SNX7: variants seen among roughly 807,000 people sequenced by gnomAD.
The protein encoded by SNX7 is sorting nexin 7, also known as sorting nexin-7.
Under a neutral mutation model 48.4 loss-of-function variants are expected in SNX7, and 35 were observed. That is an observed-to-expected ratio of 0.72 (90% CI 0.55 to 0.96). SNX7 has a LOEUF of 0.96. Among genes scored for constraint, SNX7 ranks in the 40% least tolerant of loss-of-function variants. SNX7 has a pLI of 0.00. For synonymous variants in SNX7, 190 were observed against 190.2 expected, an observed-to-expected ratio of 1.00 and a Z score of 0.01; for missense variants, 553 against 548.9, an observed-to-expected ratio of 1.01 and a Z score of -0.07.
intron 8 of SNX7, among the ~76,000 whole-genome samples, chr1:98,749,681 C>T: frequency 6.6e-6 from 1 of 151,998 alleles, no homozygotes; most frequent in East Asian, 1.9e-4. Flanking sequence ...AAATATGTAG[C>T]TCCTGAAAGT....
intron 7 of SNX7, among the ~76,000 whole-genome samples, chr1:98,709,028 A>G (rs1212595222): frequency 6.6e-6 from 1 of 152,164 alleles, no homozygotes; most frequent in Admixed American, 6.6e-5. Flanking sequence ...AAAGCACAGC[A>G]TTTTGTGGCA....
chr1:98,664,876 A>T (rs1649455217), intron 1 of SNX7, among the ~76,000 whole-genome samples: 1 of 152,140 alleles, frequency 6.6e-6, no homozygotes, highest in African/African-American at 2.4e-5. Context: ...CAGTAAAAAT[A>T]AAAAAATAAA....
chr1:98,684,820 G>A, intron 1 of SNX7, 65 bp from the exon 2 acceptor site: 4 of 1,112,590 alleles, frequency 3.6e-6, no homozygotes, highest in Non-Finnish European at 4.9e-6. Flanking sequence ...AATATTGATA[G>A]CATCTAGAAA....
intron 7 of SNX7, among the ~76,000 whole-genome samples, chr1:98,728,135 GA>G (rs1439399071): frequency 6.6e-6 from 1 of 151,788 alleles, no homozygotes; most frequent in East Asian, 1.9e-4. Context: ...AGCAGCCAGA[GA>G]GAAAGGCCAG....
At chr1:98,754,118 G>C (rs1395327193) in intron 8 of SNX7, among the ~76,000 whole-genome samples, 1 of 151,952 alleles carries the variant, frequency 6.6e-6, no homozygotes, top group East Asian at 1.9e-4. Context: ...ATTGGAATTT[G>C]ATAAATTTTT....
At chr1:98,693,252 T>TG (rs936750498) in intron 4 of SNX7, among the ~76,000 whole-genome samples, 3 of 152,094 alleles carry the variant, frequency 2.0e-5, no homozygotes, top group Non-Finnish European at 2.9e-5. Flanking sequence ...ATTATCTAAG[T>TG]GGGGGAGTGT....
rs1433756235 is a variant in SNX7, at chr1:98,680,126, C to A, written c.181-4759C>A. 1.3e-5 allele frequency among the ~76,000 whole-genome samples: 2 copies of A among 152,210 alleles called. 1 individual carries two copies. Among genetic ancestry groups the A allele is most frequent in the Non-Finnish European group, 2.9e-5 (2 of 68,034 alleles). ...AAATCTAGGTGGAGGTTCCTAAACC[C>A]TAATTCTTGACTTTGGTGCATTGTC... On this transcript the variant is annotated intron_variant, in intron 1 of 8. Transcript: ENST00000306121.
chr1:98,734,601 A>G (rs573288501), intron 7 of SNX7, among the ~76,000 whole-genome samples: 32 of 152,298 alleles, frequency 2.1e-4, no homozygotes, highest in African/African-American at 7.0e-4. Context: ...TATGGAAAGC[A>G]TATAGCCAAT....
At chr1:98,669,403 C>T (rs528079436) in intron 1 of SNX7, among the ~76,000 whole-genome samples, 9 of 152,286 alleles carry the variant, frequency 5.9e-5, no homozygotes, top group African/African-American at 1.2e-4. Context: ...TCTATGTGTT[C>T]CCAGCAAATC....
chr1:98,688,965 C>T lies in SNX7; in HGVS notation c.364-2110C>T, dbSNP rs552988155. Among the ~76,000 whole-genome samples the T allele has an allele frequency of 1.2e-4, 19 of 152,086 alleles. No homozygotes were observed. In the South Asian group the frequency reaches 2.1e-3, roughly 17 times the overall value. ...TGTCACCCAGGGTAGAGTACAGTGG[C>T]GTGATCTTAGCTCACTGCAACCTCT... On this transcript the variant is annotated intron_variant, in intron 2 of 8. Transcript: ENST00000306121.
At chr1:98,668,708 T>A (rs960021166) in intron 1 of SNX7, among the ~76,000 whole-genome samples, 1 of 152,244 alleles carries the variant, frequency 6.6e-6, no homozygotes, top group Admixed American at 6.5e-5. Context: ...ATTCTTTTAA[T>A]AACTCCTTAT....
intron 1 of SNX7, among the ~76,000 whole-genome samples, chr1:98,663,587 G>A (rs1464578733): frequency 2.0e-5 from 3 of 152,066 alleles, no homozygotes; most frequent in Non-Finnish European, 4.4e-5. Flanking sequence ...TTCTAGGTGG[G>A]AAGGAAATGA....
At chr1:98,719,346 C>T (rs561980314) in intron 7 of SNX7, among the ~76,000 whole-genome samples, 82 of 152,178 alleles carry the variant, frequency 5.4e-4, no homozygotes, top group African/African-American at 1.9e-3. Context: ...ATTCCTGTAC[C>T]CTCCACCCGC....
chr1:98,679,803 T>G (rs1271680020), intron 1 of SNX7, among the ~76,000 whole-genome samples: 3 of 152,188 alleles, frequency 2.0e-5, no homozygotes, highest in Non-Finnish European at 4.4e-5. Flanking sequence ...GCTCTGCCCC[T>G]GTGGCTTTGC....
intron 7 of SNX7, among the ~76,000 whole-genome samples, chr1:98,702,430 C>T (rs527992969): frequency 6.6e-6 from 1 of 152,252 alleles, no homozygotes; most frequent in Admixed American, 6.5e-5. Context: ...CTCATATACT[C>T]ATAACTGGGC....
chr1:98,662,803 C>T (rs1396942212), intron 1 of SNX7: 24 of 1,289,184 alleles, frequency 1.9e-5, no homozygotes, highest in Admixed American at 2.3e-5. Flanking sequence ...TTTAACGTTA[C>T]CTGGAGATAT....
intron 1 of SNX7, among the ~76,000 whole-genome samples, chr1:98,679,989 G>A (rs902387681): frequency 5.3e-5 from 8 of 152,172 alleles, no homozygotes; most frequent in African/African-American, 1.9e-4. Flanking sequence ...CTGTGTGGGG[G>A]CTCCAACCCC....
chr1:98,735,580 C>T (rs1008588062), intron 7 of SNX7, among the ~76,000 whole-genome samples: 2 of 152,014 alleles, frequency 1.3e-5, no homozygotes, highest in Admixed American at 1.3e-4. Context: ...TTACCAGAGA[C>T]TAAAATACTG....
intron 6 of SNX7, among the ~76,000 whole-genome samples, chr1:98,699,699 T>C (rs1281203299): frequency 6.6e-6 from 1 of 152,168 alleles, no homozygotes; most frequent in East Asian, 1.9e-4. Context: ...TCAATTTTTT[T>C]CTTTTTTAAA....
Sources: allele counts gnomAD v4.1 joint callset (sites outside exome capture counted in the v4.1 genomes callset), GRCh38; gene constraint gnomAD v4.1.1; transcripts MANE v1.5; gene names NCBI Gene and HGNC (gene_info 2026-07-23, HGNC 2026-07-21).